Variants in KIAA1217 observed in about 807,000 individuals in gnomAD.
The protein encoded by KIAA1217 is KIAA1217.
In KIAA1217, 88 loss-of-function variants were observed where a neutral mutation model predicts 163.9. The observed-to-expected ratio is 0.54, with a 90% confidence interval of 0.45 to 0.64. The LOEUF (loss-of-function observed/expected upper bound fraction) is 0.64. Among genes scored for constraint, KIAA1217 ranks in the 30% least tolerant of loss-of-function variants. The pLI is 0.00. For missense variants in KIAA1217, 2,372 were observed against 2,475.0 expected (o/e 0.96, Z 0.88); for synonymous variants, 903 against 923.1 (o/e 0.98, Z 0.39).
rs76086516 is a variant in KIAA1217 at position 24,332,769 on chromosome 10, G to T, written c.355-48100G>T. 8.7e-3 allele frequency among the ~76,000 whole-genome samples: 1,328 copies of T among 152,196 alleles called. 22 individuals are homozygous for T. The highest frequency in any genetic ancestry group is 0.03 in the African/African-American group (1,243 of 41,512). ...GAATTAAATGGTCATAGTGGACTGG[G>T]TAAAGAGGGTCATATTAAGAAATGT... On this transcript the variant is annotated intron_variant, in intron 2 of 20. Coordinates refer to ENST00000376454, the MANE Select transcript of KIAA1217 (RefSeq NM_019590.5).
At chr10:23,947,499 A>C (rs1278712580) in intron 1 of KIAA1217, among the ~76,000 whole-genome samples, 2 of 152,204 alleles carry the variant, frequency 1.3e-5, no homozygotes, top group Non-Finnish European at 2.9e-5. Context: ...CTCATACCAA[A>C]GCTTTCACCT....
chr10:24,501,560 C>G lies in KIAA1217; in HGVS notation c.2001+15C>G. The G allele has an allele frequency of 6.2e-7, 1 of 1,607,960 alleles. No homozygotes were observed. The highest frequency in any genetic ancestry group is 8.5e-7 in the Non-Finnish European group (1 of 1,177,408). On this transcript the variant is annotated intron_variant, in intron 9 of 20. Coordinates refer to ENST00000376454, the MANE Select transcript of KIAA1217 (RefSeq NM_019590.5). ...GGCAGCTCCAGGTATTCCTCATGCA[C>G]GGCGGCCTCTGTCTCGGTTGCCCTG...
intron 1 of KIAA1217, among the ~76,000 whole-genome samples, chr10:23,854,196 A>G (rs1839518043): frequency 1.3e-5 from 2 of 151,974 alleles, no homozygotes; most frequent in African/African-American, 4.8e-5. Context: ...TGTGTCCCAG[A>G]GATTCTGATA....
chr10:24,490,897 C>A (rs1278362173), intron 6 of KIAA1217, among the ~76,000 whole-genome samples: 1 of 152,182 alleles, frequency 6.6e-6, no homozygotes, highest in Non-Finnish European at 1.5e-5. Flanking sequence ...CCTTCACTCC[C>A]TTCCTCACAG....
intron 1 of KIAA1217, among the ~76,000 whole-genome samples, chr10:23,860,865 TC>T (rs1247131135): frequency 6.6e-6 from 1 of 151,934 alleles, no homozygotes; most frequent in East Asian, 1.9e-4. Flanking sequence ...TGTTTTCTCA[TC>T]TTTTCTCCTC....
intron 3 of KIAA1217, among the ~76,000 whole-genome samples, chr10:24,407,487 G>A (rs896319833): frequency 6.6e-6 from 1 of 151,922 alleles, no homozygotes; most frequent in African/African-American, 2.4e-5. Context: ...TTTATTTTTT[G>A]TAGAGATGGG....
Position 24,209,173 on chromosome 10 carries a change from CT to C in KIAA1217, c.-17del. The C allele has an allele frequency of 6.2e-7, 1 of 1,612,578 alleles. No homozygotes were observed. Reference sequence around the variant, plus strand: ...TCTGAAGTTTCCAGAGAGCGAGGAGCTTTTGCGGCAGGCAGAGACAATGGAA... The same window carrying C: ...TCTGAAGTTTCCAGAGAGCGAGGAGCTTTGCGGCAGGCAGAGACAATGGAA... On this transcript the variant is annotated 5_prime_UTR_variant, in exon 1 of 21. Coordinates refer to ENST00000376454, the MANE Select transcript of KIAA1217 (RefSeq NM_019590.5).
intron 1 of KIAA1217, among the ~76,000 whole-genome samples, chr10:23,752,896 A>G (rs953660851): frequency 1.3e-5 from 2 of 152,180 alleles, no homozygotes; most frequent in Admixed American, 6.5e-5. Context: ...AATTTATCAC[A>G]TTTAAGCTCT....
chr10:24,203,904 C>T (rs2067405590), upstream of KIAA1217, among the ~76,000 whole-genome samples: 1 of 152,176 alleles, frequency 6.6e-6, no homozygotes, highest in South Asian at 2.1e-4. Flanking sequence ...CAGAGCTGAG[C>T]GGGGCTTTCA....
intron 2 of KIAA1217, among the ~76,000 whole-genome samples, chr10:24,036,946 A>G (rs796181868): frequency 2.0e-5 from 3 of 152,322 alleles, no homozygotes; most frequent in African/African-American, 7.2e-5. Context: ...TCCTTTCTGA[A>G]TAGGCCAAAG....
chr10:24,179,350 C>G (rs1443142354), intron 2 of KIAA1217, among the ~76,000 whole-genome samples: 2 of 151,966 alleles, frequency 1.3e-5, no homozygotes, highest in Non-Finnish European at 2.9e-5. Flanking sequence ...ACCATCCCCC[C>G]AGTCCTGTCT....
chr10:23,853,567 T>C (rs1839475302), intron 1 of KIAA1217, among the ~76,000 whole-genome samples: 1 of 152,210 alleles, frequency 6.6e-6, no homozygotes, highest in South Asian at 2.1e-4. Flanking sequence ...TTCTATTGAT[T>C]GCAATAGTTT....
chr10:24,359,061 T>G (rs1054363228), intron 2 of KIAA1217, among the ~76,000 whole-genome samples: 1 of 117,710 alleles, frequency 8.5e-6, no homozygotes, highest in African/African-American at 2.7e-5. Flanking sequence ...TTCTTTTTTC[T>G]TTTCTTTTCT....
intron 3 of KIAA1217, among the ~76,000 whole-genome samples, chr10:24,388,187 G>A (rs1262207032): frequency 6.6e-6 from 1 of 152,172 alleles, no homozygotes; most frequent in Non-Finnish European, 1.5e-5. Context: ...AAACAGCATG[G>A]TACTGGTACC....
In KIAA1217 at chr10:24,494,593, A is replaced by G. The variant is rs779625518; in HGVS notation, c.1773A>G (p.Lys591=). 1.2e-6 allele frequency: 2 copies of G among 1,607,138 alleles called. No homozygotes were observed. The highest frequency in any genetic ancestry group is 1.7e-6 in the Non-Finnish European group (2 of 1,174,676). ...LFKGPITSYS[K]DASSEKMMKT... ...AAGGGCCCATTACAAGTTATAGCAAAGATGCGTCTAGGTAAAAAAGAAGAA... is the reference window on the plus strand; with the variant it reads ...AAGGGCCCATTACAAGTTATAGCAAGGATGCGTCTAGGTAAAAAAGAAGAA... Residue 591 remains lysine, a synonymous_variant, in exon 7 of 21, where the codon AAA becomes AAG. Transcript: ENST00000376454.
Position 24,424,994 on chromosome 10 carries a change from TGTC to T in KIAA1217, c.554-8000_554-7998del, listed in dbSNP as rs1231867416. 2.6e-5 allele frequency among the ~76,000 whole-genome samples: 4 copies of T among 152,358 alleles called. No individual in the cohort carries two copies. In the East Asian group the frequency reaches 7.7e-4, roughly 29 times the overall value. ...ACTGGAATCTTTTGCTTACCTTAAA[TGTC>T]AATGTCTTTCCCATTTCAGATGCCA... On this transcript the variant is annotated intron_variant, in intron 3 of 20. Coordinates refer to ENST00000376454, the MANE Select transcript of KIAA1217 (RefSeq NM_019590.5).
chr10:23,746,004 C>T (rs1186314909), intron 1 of KIAA1217, among the ~76,000 whole-genome samples: 1 of 152,198 alleles, frequency 6.6e-6, no homozygotes, highest in Non-Finnish European at 1.5e-5. Flanking sequence ...TCACCATGTT[C>T]CCTGCCCTCC....
Position 23,836,960 on chromosome 10 carries a change from A to T in KIAA1217, c.-321+141726A>T, listed in dbSNP as rs192403796. On this transcript the variant is annotated intron_variant, in intron 1 of 18. Transcript: ENST00000376462. ...GAGGGAGGGAGGGAGGGAGGGAATG[A>T]ATAAGGTACATTGTGCCCATGAAGT... Among the ~76,000 whole-genome samples the T allele has an allele frequency of 3.6e-4, 54 of 151,980 alleles. No individual in the cohort carries two copies. The East Asian group carries it at 0.01, about 28-fold the overall frequency.
At chr10:24,017,046 T>G (rs1038621708) in intron 2 of KIAA1217, among the ~76,000 whole-genome samples, 109 of 151,274 alleles carry the variant, frequency 7.2e-4, no homozygotes, top group African/African-American at 2.3e-3. Flanking sequence ...TTTTGTTTTT[T>G]TTTTTTTTTT....
Sources: allele counts gnomAD v4.1 joint callset (sites outside exome capture counted in the v4.1 genomes callset), GRCh38; gene constraint gnomAD v4.1.1; transcripts MANE v1.5; gene names NCBI Gene and HGNC (gene_info 2026-07-23, HGNC 2026-07-21).